OR10H5: variants seen among roughly 807,000 people sequenced by gnomAD.
OR10H5 encodes the protein olfactory receptor family 10 subfamily H member 5, also known as olfactory receptor 10H5.
Under a neutral mutation model 12.2 loss-of-function variants are expected in OR10H5, and 7 were observed. The observed-to-expected ratio is 0.57, with a 90% confidence interval of 0.33 to 1.07. The LOEUF (loss-of-function observed/expected upper bound fraction) is 1.07. OR10H5 is among the 50% of genes least tolerant of loss of function. The pLI, the probability that OR10H5 is intolerant of heterozygous loss-of-function variation, is 0.04. For missense variants in OR10H5, 346 were observed against 411.6 expected (o/e 0.84, Z 1.38); for synonymous variants, 159 against 175.1 (o/e 0.91, Z 0.73).
Position 15,794,741 on chromosome 19 carries a change from T to G in OR10H5, c.693T>G (p.Ser231=), listed in dbSNP as rs985955935. ...TGGCCGCCATCTTGAAGATCCCTTC[T>G]GCTGAAGGTCGGAACAAGGCCTTCT... ...FIVAAILKIP[S]AEGRNKAFST... is the part of the protein sequence containing the mutation. Residue 231 remains serine, a synonymous_variant, in exon 2 of 2, where the codon TCT becomes TCG. Transcript: ENST00000642092. 2 of 1,613,622 alleles carry G rather than the reference T, an allele frequency of 1.2e-6. No homozygotes were observed. The highest frequency in any genetic ancestry group is 8.5e-7 in the Non-Finnish European group (1 of 1,179,662).
At chr19:15,792,694 G>A (rs1004477782) in intron 1 of OR10H5, among the ~76,000 whole-genome samples, 15 of 152,014 alleles carry the variant, frequency 9.9e-5, no homozygotes, top group African/African-American at 3.1e-4. Context: ...TTGAACTCCT[G>A]ACCTCAAGTG....
At chr19:15,793,875 T>C in intron 1 of OR10H5, 163 bp from the exon 2 acceptor site, 1 of 646,076 alleles carries the variant, frequency 1.5e-6, no homozygotes, top group Non-Finnish European at 2.6e-6. Flanking sequence ...CGAGACCCCA[T>C]CTCAAAAACT....
chr19:15,790,355 A>C (rs2088804363), intron 1 of OR10H5, among the ~76,000 whole-genome samples: 1 of 152,182 alleles, frequency 6.6e-6, no homozygotes, highest in Admixed American at 6.5e-5. Context: ...TGATCACGAC[A>C]ACGTCAGCTG....
At chr19:15,789,452 T>C (rs1420251369) in intron 1 of OR10H5, among the ~76,000 whole-genome samples, 1 of 152,192 alleles carries the variant, frequency 6.6e-6, no homozygotes, top group African/African-American at 2.4e-5. Flanking sequence ...GGAGCCTGCG[T>C]GTGTGCCAGC....
At position 15,795,104 on chromosome 19, in the gene OR10H5, T is replaced by C. The variant is rs1382922432; in HGVS notation, c.*108T>C. 4 of 886,188 alleles carry C rather than the reference T, an allele frequency of 4.5e-6. No homozygotes were observed. The highest frequency in any genetic ancestry group is 6.6e-6 in the Non-Finnish European group (4 of 607,488). 54.9% of individuals were successfully genotyped at this position (886,188 alleles called of 1,614,324 possible). On this transcript the variant is annotated 3_prime_UTR_variant, in exon 2 of 2. Coordinates refer to ENST00000642092, the MANE Select transcript of OR10H5 (RefSeq NM_001004466.2). The stretch of plus-strand genomic sequence containing the variant: ...CTCCTTTCCTCCCTCCCTCCCTTCC[T>C]TCCTTCTTTCCTTCCTCCCTCCCTC...
intron 1 of OR10H5, among the ~76,000 whole-genome samples, chr19:15,791,730 T>C (rs1469151030): frequency 1.3e-5 from 2 of 151,814 alleles, no homozygotes; most frequent in African/African-American, 4.8e-5. Flanking sequence ...TCTCGCTCTG[T>C]GGCCCAGGCT....
At position 15,800,168 on chromosome 19, in the gene OR10H5, T is replaced by C. The variant is rs1007466239; in HGVS notation, c.*5172T>C. On this transcript the variant is annotated 3_prime_UTR_variant, in exon 2 of 2. Transcript: ENST00000642092. ...CCTCATAGCAACTCACTTAGGTCCC[T>C]CAGAGCTTTTATCACAAGTTCCCAT... 1 of 152,188 alleles carries C rather than the reference T, an allele frequency of 6.6e-6. No individual in the cohort carries two copies. The highest frequency in any genetic ancestry group is 1.5e-5 in the Non-Finnish European group (1 of 68,034). 9.4% of individuals were successfully genotyped at this position (152,188 alleles called of 1,614,324 possible).
Position 15,799,330 on chromosome 19 carries a change from T to C in OR10H5, c.*4334T>C, listed in dbSNP as rs1193858125. 1.3e-5 allele frequency: 2 copies of C among 152,142 alleles called. No individual in the cohort carries two copies. The highest frequency in any genetic ancestry group is 2.9e-5 in the Non-Finnish European group (2 of 68,038). The allele number at this position is 152,142 out of a possible 1,614,324, so 9.4% of individuals were successfully genotyped here. A position where few individuals can be genotyped will look rare whatever the true frequency, so the allele number is the denominator to read the frequency against. On this transcript the variant is annotated 3_prime_UTR_variant, in exon 2 of 2. Transcript: ENST00000642092. The stretch of plus-strand genomic sequence containing the variant: ...ATGAAATCTTCCATTCCTCTTTGCA[T>C]TGCTGGTTTGCATTATTGGGGGTAT...
chr19:15,792,168 A>G (rs1425705571), intron 1 of OR10H5, among the ~76,000 whole-genome samples: 1 of 152,176 alleles, frequency 6.6e-6, no homozygotes, highest in Non-Finnish European at 1.5e-5. Context: ...TCTAGGGCAC[A>G]ATTCATTTCA....
At chr19:15,793,159 A>G (rs1266946659) in intron 1 of OR10H5, among the ~76,000 whole-genome samples, 1 of 151,986 alleles carries the variant, frequency 6.6e-6, no homozygotes, top group Non-Finnish European at 1.5e-5. Flanking sequence ...TCGCTCTATC[A>G]CCCAGGCTGA....
intron 1 of OR10H5, among the ~76,000 whole-genome samples, chr19:15,788,554 A>G (rs1156345458): frequency 1.3e-5 from 2 of 152,102 alleles, no homozygotes; most frequent in African/African-American, 4.8e-5. Context: ...GCTGGAGTGC[A>G]GTGGCACGAT....
intron 1 of OR10H5, among the ~76,000 whole-genome samples, chr19:15,789,680 G>A (rs1408896934): frequency 6.6e-6 from 1 of 152,172 alleles, no homozygotes; most frequent in Non-Finnish European, 1.5e-5. Context: ...GAGCCCCCTT[G>A]GAGATTTCTG....
chr19:15,791,508 C>T (rs1264203892), intron 1 of OR10H5, among the ~76,000 whole-genome samples: 6 of 151,570 alleles, frequency 4.0e-5, no homozygotes, highest in African/African-American at 7.3e-5. Flanking sequence ...AGATGTACTC[C>T]GCAACTCCTC....
chr19:15,789,402 G>A (rs2088798775), intron 1 of OR10H5, among the ~76,000 whole-genome samples: 1 of 152,170 alleles, frequency 6.6e-6, no homozygotes, highest in Non-Finnish European at 1.5e-5. Flanking sequence ...GAGTTGAATT[G>A]TGTCTCCTTT....
rs1345682332 is a variant in OR10H5 at position 15,794,474 on chromosome 19, C to T, written c.426C>T (p.Thr142=). The change falls in exon 2 of 2, where the codon ACC becomes ACT. Residue 142 remains threonine, a synonymous_variant. Transcript: ENST00000642092. ...YNVLMSLRGC[T]CRVGCSWAGG... Reference sequence around the variant, plus strand: ...TGCTCATGAGCCTGCGGGGCTGCACCTGCCGGGTGGGCTGCTCCTGGGCTG... The same window carrying T: ...TGCTCATGAGCCTGCGGGGCTGCACTTGCCGGGTGGGCTGCTCCTGGGCTG... 4 of 1,614,238 alleles carry T rather than the reference C, an allele frequency of 2.5e-6. No individual in the cohort carries two copies. The South Asian group carries it at 4.4e-5, about 18-fold the overall frequency.
chr19:15,792,162 G>A (rs2144927252), intron 1 of OR10H5, among the ~76,000 whole-genome samples: 1 of 152,080 alleles, frequency 6.6e-6, no homozygotes, highest in Non-Finnish European at 1.5e-5. Context: ...TTATGTTCTA[G>A]GGCACAATTC....
chr19:15,795,075 C>T lies in OR10H5; in HGVS notation c.*79C>T, dbSNP rs571529900. 3 of 1,239,078 alleles carry T rather than the reference C, an allele frequency of 2.4e-6. No homozygotes were observed. The highest frequency in any genetic ancestry group is 1.5e-5 in the African/African-American group (1 of 65,948). 76.8% of individuals were successfully genotyped at this position (1,239,078 alleles called of 1,614,324 possible). ...TCCTTTATTTCTTTTCCTTTCCTCC[C>T]TCCCTCCTTTCCTCCCTCCCTCCCT... On this transcript the variant is annotated 3_prime_UTR_variant, in exon 2 of 2. Coordinates refer to ENST00000642092, the MANE Select transcript of OR10H5 (RefSeq NM_001004466.2).
intron 1 of OR10H5, 98 bp from the exon 2 acceptor site, chr19:15,793,940 G>A (rs1028681663): frequency 9.8e-7 from 1 of 1,024,580 alleles, no homozygotes; most frequent in Non-Finnish European, 1.4e-6. Flanking sequence ...GGCTTGGACA[G>A]ATGAAGAAGG....
rs1472699491 is a variant in OR10H5, at chr19:15,797,470, A to G, written c.*2474A>G. 6.6e-6 allele frequency: 1 copy of G among 152,210 alleles called. No homozygotes were observed. Among genetic ancestry groups the G allele is most frequent in the South Asian group, 2.1e-4 (1 of 4,834 alleles). 9.4% of individuals were successfully genotyped at this position (152,210 alleles called of 1,614,324 possible). A position where few individuals can be genotyped will look rare whatever the true frequency, so the allele number is the denominator to read the frequency against. The stretch of plus-strand genomic sequence containing the variant: ...TTGTGGTTCCCCGTGGTGATCAGAA[A>G]AGCGAGCCAGCTTGCTGTAGTTTGG... On this transcript the variant is annotated 3_prime_UTR_variant, in exon 2 of 2. Coordinates refer to ENST00000642092, the MANE Select transcript of OR10H5 (RefSeq NM_001004466.2).
Sources: gnomAD v4.1 joint callset for allele counts (sites outside exome capture counted in the v4.1 genomes callset) on GRCh38, gnomAD v4.1.1 for gene constraint, MANE v1.5 for transcripts, NCBI Gene and HGNC (gene_info 2026-07-23, HGNC 2026-07-21) for gene names.